Variants in MAPK8 observed in about 807,000 individuals in gnomAD.
MAPK8 encodes JUN N-terminal kinase.
MAPK8 carries 13 observed loss-of-function variants against 52.9 expected under a neutral mutation model. That is an observed-to-expected ratio of 0.25 (90% CI 0.16 to 0.39). The LOEUF (loss-of-function observed/expected upper bound fraction) is 0.39. MAPK8 is among the 10% of genes least tolerant of loss of function. The probability of loss-of-function intolerance (pLI) is 1.00; values close to 1 mark genes in which losing one functional copy is unlikely to be tolerated. For missense variants in MAPK8, 300 were observed against 519.2 expected (o/e 0.58, Z 4.10); for synonymous variants, 191 against 169.8 (o/e 1.12, Z -0.97).
intron 1 of MAPK8, among the ~76,000 whole-genome samples, chr10:48,388,867 A>G (rs2132823836): frequency 6.6e-6 from 1 of 152,232 alleles, no homozygotes; most frequent in East Asian, 1.9e-4. Context: ...AGGAACCGTA[A>G]AGTCCAAGAT....
intron 5 of MAPK8, among the ~76,000 whole-genome samples, chr10:48,411,882 C>G (rs1589228967): frequency 4.9e-5 from 7 of 142,704 alleles, no homozygotes; most frequent in African/African-American, 1.9e-4. Context: ...CCCCTCCCCT[C>G]CCATTTGTCT....
chr10:48,315,338 C>G (rs1174184140), intron 1 of MAPK8, among the ~76,000 whole-genome samples: 1 of 152,164 alleles, frequency 6.6e-6, no homozygotes, highest in Non-Finnish European at 1.5e-5. Flanking sequence ...AATCCCAGAT[C>G]AAAATACAGA....
At chr10:48,323,217 T>A (rs1435172410) in intron 1 of MAPK8, among the ~76,000 whole-genome samples, 2 of 152,188 alleles carry the variant, frequency 1.3e-5, no homozygotes, top group Non-Finnish European at 2.9e-5. Flanking sequence ...TAGGGTAACA[T>A]TTTCATGTCT....
chr10:48,412,950 T>A (rs1299780793), intron 5 of MAPK8, among the ~76,000 whole-genome samples: 1 of 152,132 alleles, frequency 6.6e-6, no homozygotes, highest in Non-Finnish European at 1.5e-5. Flanking sequence ...TTCCCTATTC[T>A]CCTCTCCCCG....
chr10:48,320,243 TA>T (rs1373517413), intron 1 of MAPK8, among the ~76,000 whole-genome samples: 13 of 133,394 alleles, frequency 9.7e-5, no homozygotes, highest in Admixed American at 1.5e-4. Flanking sequence ...TTTTTTTTTT[TA>T]AATTAGATCA....
At chr10:48,356,198 G>A (rs552060991) in intron 1 of MAPK8, among the ~76,000 whole-genome samples, 29 of 152,226 alleles carry the variant, frequency 1.9e-4, no homozygotes, top group African/African-American at 6.7e-4. Context: ...AGGCTTTAAA[G>A]CATATTAATA....
intron 1 of MAPK8, among the ~76,000 whole-genome samples, chr10:48,324,163 C>G (rs1280877071): frequency 2.6e-5 from 4 of 152,194 alleles, no homozygotes; most frequent in Non-Finnish European, 4.4e-5. Flanking sequence ...AACACATTCT[C>G]TTACATATGT....
At chr10:48,363,146 C>T (rs534363660) in intron 1 of MAPK8, among the ~76,000 whole-genome samples, 1 of 152,282 alleles carries the variant, frequency 6.6e-6, no homozygotes, top group South Asian at 2.1e-4. Context: ...CTCTTGGCGT[C>T]TAGCCATCCT....
intron 1 of MAPK8, among the ~76,000 whole-genome samples, chr10:48,345,056 T>C (rs1845639534): frequency 6.6e-6 from 1 of 152,144 alleles, no homozygotes; most frequent in South Asian, 2.1e-4. Context: ...AAACCAAGAA[T>C]TGTAATAATA....
intron 2 of MAPK8, among the ~76,000 whole-genome samples, chr10:48,404,269 G>T (rs945535546): frequency 6.6e-6 from 1 of 151,078 alleles, no homozygotes; most frequent in Non-Finnish European, 1.5e-5. Context: ...TGATTCCCTT[G>T]CCTTAGCCTC....
At chr10:48,342,233 A>T (rs947327034) in intron 1 of MAPK8, among the ~76,000 whole-genome samples, 3 of 152,010 alleles carry the variant, frequency 2.0e-5, no homozygotes, top group Non-Finnish European at 2.9e-5. Flanking sequence ...CCTCCCAAGT[A>T]TCTGGGACTA....
intron 1 of MAPK8, among the ~76,000 whole-genome samples, chr10:48,310,799 C>G (rs988673544): frequency 1.3e-5 from 2 of 151,608 alleles, no homozygotes; most frequent in African/African-American, 4.9e-5. Context: ...AGAGGAGACC[C>G]CTTTTTGGAA....
At chr10:48,356,841 CAAAAAAAAAAAAAAAAAAAAAAAAAAA>C (rs869186711) in intron 1 of MAPK8, among the ~76,000 whole-genome samples, 3 of 30,268 alleles carry the variant, frequency 9.9e-5, no homozygotes, top group East Asian at 4.3e-3. Flanking sequence ...GACTCCGTCT[CAAAAAAAAAAAAAAAAAAAAAAAAAAA>C]AAAAAAAAAA....
At chr10:48,328,404 A>C (rs1336215897) in intron 1 of MAPK8, among the ~76,000 whole-genome samples, 1 of 149,534 alleles carries the variant, frequency 6.7e-6, no homozygotes, top group African/African-American at 2.5e-5. Context: ...TTTGATGATC[A>C]GTTGTCTCAC....
intron 1 of MAPK8, among the ~76,000 whole-genome samples, chr10:48,385,752 G>A (rs550051177): frequency 1.3e-5 from 2 of 152,092 alleles, no homozygotes; most frequent in Admixed American, 1.3e-4. Context: ...TACTTGTCTT[G>A]CAAGTCTTCA....
chr10:48,362,865 T>A (rs1589074118), intron 1 of MAPK8, among the ~76,000 whole-genome samples: 1 of 150,826 alleles, frequency 6.6e-6, no homozygotes. Context: ...CTCAGCCTCC[T>A]GAGTAGCTGG....
At position 48,425,998 on chromosome 10, in the gene MAPK8, G is replaced by T. The variant is rs1269301566; in HGVS notation, c.799G>T (p.Ala267Ser). The change falls in exon 8 of 12, where the codon GCT becomes TCT. Residue 267 changes from alanine to serine, a missense_variant. Coordinates refer to ENST00000374189, the MANE Select transcript of MAPK8 (RefSeq NM_001323329.2). ...TTACGTTGAAAACAGACCTAAATAT[G>T]CTGGATATAGCTTTGAGAAACTCTT... The part of the protein sequence containing the change: ...RTYVENRPKY[A>S]GYSFEKLFPD... 2.5e-6 allele frequency: 4 copies of T among 1,613,224 alleles called. No homozygotes were observed. The highest frequency in any genetic ancestry group is 3.4e-6 in the Non-Finnish European group (4 of 1,179,518).
At chr10:48,336,457 C>G (rs1197439377) in intron 1 of MAPK8, among the ~76,000 whole-genome samples, 1 of 152,146 alleles carries the variant, frequency 6.6e-6, no homozygotes, top group African/African-American at 2.4e-5. Context: ...CAGCAATTCT[C>G]AAACTTTTTA....
intron 1 of MAPK8, among the ~76,000 whole-genome samples, chr10:48,391,425 C>T (rs1274834255): frequency 6.6e-6 from 1 of 152,178 alleles, no homozygotes; most frequent in Non-Finnish European, 1.5e-5. Flanking sequence ...CCTTCTCACA[C>T]ATACTCTTGC....
Sources: allele counts gnomAD v4.1 joint callset (sites outside exome capture counted in the v4.1 genomes callset), GRCh38; gene constraint gnomAD v4.1.1; transcripts MANE v1.5; gene names NCBI Gene and HGNC (gene_info 2026-07-23, HGNC 2026-07-21).